The following KIF21A variants were observed in gnomAD, a reference collection of about 807,000 sequenced individuals.
KIF21A encodes the protein kinesin-like protein KIF21A.
A neutral mutation model predicts 202.9 loss-of-function variants in KIF21A; 114 were observed. The ratio of observed to expected loss-of-function variants is 0.56; its 90% CI spans 0.48 to 0.66. KIF21A has a LOEUF of 0.66. Among genes scored for constraint, KIF21A ranks in the 30% least tolerant of loss-of-function variants. The pLI is 0.00. For synonymous variants in KIF21A, 667 were observed against 670.8 expected, an observed-to-expected ratio of 0.99 and a Z score of 0.09; for missense variants, 1,677 against 1,994.9, an observed-to-expected ratio of 0.84 and a Z score of 3.04.
chr12:39,381,453 G>A (rs370049988), intron 1 of KIF21A, among the ~76,000 whole-genome samples: 15 of 151,728 alleles, frequency 9.9e-5, no homozygotes, highest in African/African-American at 3.6e-4. Context: ...ATTTCATCTT[G>A]CTTCCTAGAA....
At chr12:39,306,468 C>A (rs1943482520) in intron 34 of KIF21A, among the ~76,000 whole-genome samples, 2 of 151,620 alleles carry the variant, frequency 1.3e-5, no homozygotes, top group South Asian at 4.2e-4. Flanking sequence ...TAGTTAGGAC[C>A]CTGGTTTTTC....
At chr12:39,423,765 C>T (rs1351160294) in intron 1 of KIF21A, among the ~76,000 whole-genome samples, 1 of 151,812 alleles carries the variant, frequency 6.6e-6, no homozygotes, top group Non-Finnish European at 1.5e-5. Context: ...AGGTGGATCA[C>T]GATGTCAAGA....
At chr12:39,362,520 A>G (rs995309195) in intron 7 of KIF21A, among the ~76,000 whole-genome samples, 1 of 152,144 alleles carries the variant, frequency 6.6e-6, no homozygotes, top group African/African-American at 2.4e-5. Flanking sequence ...CTGAAAAAAC[A>G]TATCAGAATG....
intron 1 of KIF21A, among the ~76,000 whole-genome samples, chr12:39,436,444 ATATATTTT>A (rs1199550838): frequency 1.8e-5 from 2 of 113,584 alleles, no homozygotes; most frequent in South Asian, 2.9e-4. Flanking sequence ...ATATATATAT[ATATATTTT>A]TTTTTTTTTT....
intron 1 of KIF21A, among the ~76,000 whole-genome samples, chr12:39,403,458 GCTT>G (rs553415034): frequency 1.9e-3 from 290 of 152,278 alleles, no homozygotes; most frequent in African/African-American, 6.8e-3. Context: ...CTTTTTCAGT[GCTT>G]CAATTTTAGA....
chr12:39,437,519 A>T (rs1182395129), intron 1 of KIF21A, among the ~76,000 whole-genome samples: 2 of 152,236 alleles, frequency 1.3e-5, no homozygotes, highest in Non-Finnish European at 2.9e-5. Context: ...TGATATAAGG[A>T]ATATCCTCCT....
Position 39,332,358 on chromosome 12 carries a change from C to A in KIF21A, c.2907G>T (p.Glu969Asp), listed in dbSNP as rs1439133785. 1 of 1,613,856 alleles carries A rather than the reference C, an allele frequency of 6.2e-7. No individual in the cohort carries two copies. Among genetic ancestry groups the A allele is most frequent in the Admixed American group, 1.7e-5 (1 of 59,982 alleles). ...CCTCTCCATTCTCCTTGACTATCTTCTCCCTTCTTTTTGAAAGTTTCTCTC... is the reference window on the plus strand; with the variant it reads ...CCTCTCCATTCTCCTTGACTATCTTATCCCTTCTTTTTGAAAGTTTCTCTC... ...KRREKLSKRREKIVKENGEGD... is the reference protein window; with the variant it reads ...KRREKLSKRRDKIVKENGEGD... The change falls in exon 21 of 38, where the codon GAG becomes GAT. Residue 969 changes from glutamate to aspartate, a missense_variant. Transcript: ENST00000361418.
intron 17 of KIF21A, among the ~76,000 whole-genome samples, chr12:39,336,678 C>T (rs188013255): frequency 1.4e-4 from 21 of 152,150 alleles, no homozygotes; most frequent in Admixed American, 1.0e-3. Context: ...TTTGATAGTC[C>T]TTAGAAAAGC....
At chr12:39,334,692 A>T (rs1946811509) in intron 17 of KIF21A, among the ~76,000 whole-genome samples, 1 of 152,210 alleles carries the variant, frequency 6.6e-6, no homozygotes, top group South Asian at 2.1e-4. Flanking sequence ...CTAAGGGTTC[A>T]AAGATGAATA....
At chr12:39,387,485 TA>T (rs1457607128) in intron 1 of KIF21A, among the ~76,000 whole-genome samples, 1 of 152,148 alleles carries the variant, frequency 6.6e-6, no homozygotes, top group Non-Finnish European at 1.5e-5. Context: ...ACTGCCAGGA[TA>T]AAAATCATCA....
chr12:39,442,980 G>T lies in KIF21A; in HGVS notation c.-10C>A, dbSNP rs1039725097. The T allele has an allele frequency of 6.6e-7, 1 of 1,519,480 alleles. No individual in the cohort carries two copies. The highest frequency in any genetic ancestry group is 1.2e-5 in the South Asian group (1 of 82,254). The allele number at this position is 1,519,480 out of a possible 1,614,324, so 94.1% of individuals were successfully genotyped here. ...CCGGGGCGCCCAACATGCTGGCGGC[G>T]GGCAGCGATCGAGCCGTTGGGCCTC... is the stretch of plus-strand genomic sequence containing the variant. On this transcript the variant is annotated 5_prime_UTR_variant, in exon 1 of 38. Transcript: ENST00000361418. The surrounding 1 kb of genome is among the most constrained non-coding windows in gnomAD (Gnocchi z 5.0).
At chr12:39,400,024 A>T (rs1280973275) in intron 1 of KIF21A, among the ~76,000 whole-genome samples, 1 of 152,218 alleles carries the variant, frequency 6.6e-6, no homozygotes, top group East Asian at 1.9e-4. Flanking sequence ...CATGTGCATA[A>T]CATCGACACA....
chr12:39,418,393 C>T (rs1301480885), intron 1 of KIF21A, among the ~76,000 whole-genome samples: 1 of 152,154 alleles, frequency 6.6e-6, no homozygotes, highest in Non-Finnish European at 1.5e-5. Context: ...ATTGTTCAAT[C>T]CCCTCCAAAA....
In KIF21A at chr12:39,303,142, A is replaced by T. The variant is rs1943125099; in HGVS notation, c.4561-7T>A. 2 of 1,613,716 alleles carry T rather than the reference A, an allele frequency of 1.2e-6. No homozygotes were observed. Among genetic ancestry groups the T allele is most frequent in the South Asian group, 1.1e-5 (1 of 91,090 alleles). On this transcript the variant is annotated splice_region_variant and splice_polypyrimidine_tract_variant and intron_variant, in intron 35 of 37. Coordinates refer to ENST00000361418, the MANE Select transcript of KIF21A (RefSeq NM_001173464.2). ...CTTCTGTAACATCAAACATCTAAAA[A>T]GGTAGAAACAAAGCAGTTATCCTAT...
intron 12 of KIF21A, among the ~76,000 whole-genome samples, chr12:39,342,894 TA>T (rs1434083812): frequency 1.2e-4 from 19 of 152,130 alleles, no homozygotes; most frequent in Admixed American, 1.2e-3. Flanking sequence ...ATAGCTAAAT[TA>T]ATTCAGCCCT....
chr12:39,348,122 A>T (rs1304724989), intron 11 of KIF21A, among the ~76,000 whole-genome samples: 2 of 152,070 alleles, frequency 1.3e-5, no homozygotes, highest in African/African-American at 4.8e-5. Flanking sequence ...CATGCCTCCT[A>T]AATTGCCTTT....
intron 1 of KIF21A, among the ~76,000 whole-genome samples, chr12:39,383,830 T>C (rs1054410087): frequency 9.2e-5 from 14 of 152,066 alleles, no homozygotes; most frequent in African/African-American, 3.1e-4. Context: ...TAATTAAAAA[T>C]ATATATTATT....
intron 34 of KIF21A, among the ~76,000 whole-genome samples, chr12:39,307,293 T>C (rs1332771804): frequency 6.6e-6 from 1 of 152,154 alleles, no homozygotes; most frequent in Non-Finnish European, 1.5e-5. Flanking sequence ...ACATGACTTG[T>C]AGGCAAATAT....
At chr12:39,338,854 T>C (rs1418988400) in intron 16 of KIF21A, among the ~76,000 whole-genome samples, 2 of 152,176 alleles carry the variant, frequency 1.3e-5, no homozygotes, top group Non-Finnish European at 1.5e-5. Flanking sequence ...AGTGAGCAAA[T>C]GCTGTTGGAA....
Sources: gnomAD v4.1 joint callset for allele counts (sites outside exome capture counted in the v4.1 genomes callset) on GRCh38, gnomAD v4.1.1 for gene constraint, Gnocchi (gnomAD v3.1) non-coding constraint, MANE v1.5 for transcripts, NCBI Gene and HGNC (gene_info 2026-07-23, HGNC 2026-07-21) for gene names.